TNR: variants seen among roughly 807,000 people sequenced by gnomAD.
The protein encoded by TNR is tenascin-R.
A neutral mutation model predicts 150.4 loss-of-function variants in TNR; 45 were observed. That is an observed-to-expected ratio of 0.30 (90% CI 0.24 to 0.38). The LOEUF is 0.38. Ranked by LOEUF, TNR falls within the 10% of genes least tolerant of loss-of-function variation. The pLI is 1.00. For synonymous variants in TNR, 687 were observed against 678.4 expected (o/e 1.01, Z -0.20); for missense variants, 1,544 against 1,759.1 (o/e 0.88, Z 2.19).
intron 14 of TNR, among the ~76,000 whole-genome samples, chr1:175,362,268 T>C (rs78782923): frequency 2.8e-4 from 43 of 152,342 alleles, no homozygotes; most frequent in African/African-American, 9.6e-4. Flanking sequence ...GATGATGAAT[T>C]TCATGACCCC....
Position 175,406,108 on chromosome 1 carries a change from G to A in TNR, c.499+108C>T, listed in dbSNP as rs118116012. On this transcript the variant is annotated intron_variant, in intron 3 of 22. Coordinates refer to ENST00000367674, the MANE Select transcript of TNR (RefSeq NM_003285.3). ...GTGAAGAGATGCCGGGGTTTTGCTGGGAGTGCGTTTTCGCTGGAAGTGCAT... is the reference window on the plus strand; with the variant it reads ...GTGAAGAGATGCCGGGGTTTTGCTGAGAGTGCGTTTTCGCTGGAAGTGCAT... 1,148 of 1,436,008 alleles carry A rather than the reference G, an allele frequency of 8.0e-4. 18 individuals are homozygous for A. In the East Asian group the frequency reaches 0.023, roughly 29 times the overall value. The allele number at this position is 1,436,008 out of a possible 1,614,324, so 89.0% of individuals were successfully genotyped here.
At chr1:175,636,178 T>C (rs1182323857) in intron 1 of TNR, among the ~76,000 whole-genome samples, 2 of 152,214 alleles carry the variant, frequency 1.3e-5, no homozygotes, top group Non-Finnish European at 2.9e-5. Context: ...AGATTAGCAT[T>C]GGTCACCTTA....
chr1:175,663,491 T>C (rs921862204), intron 1 of TNR, among the ~76,000 whole-genome samples: 1 of 152,174 alleles, frequency 6.6e-6, no homozygotes. Flanking sequence ...AAATGGCTTG[T>C]TAGCAGCACG....
intron 1 of TNR, among the ~76,000 whole-genome samples, chr1:175,558,247 A>G (rs1261560694): frequency 6.4e-5 from 9 of 140,664 alleles, no homozygotes; most frequent in Admixed American, 7.1e-5. Flanking sequence ...CAATATGCAC[A>G]TGTACCCTAA....
intron 1 of TNR, among the ~76,000 whole-genome samples, chr1:175,724,727 C>T (rs1667431534): frequency 6.6e-6 from 1 of 152,148 alleles, no homozygotes; most frequent in Non-Finnish European, 1.5e-5. Flanking sequence ...TAAAGAGAAA[C>T]TTAGAAGGTT....
chr1:175,337,621 A>C lies in TNR; in HGVS notation c.3441T>G (p.Thr1147=). The C allele has an allele frequency of 6.2e-7, 1 of 1,614,218 alleles. No homozygotes were observed. Among genetic ancestry groups the C allele is most frequent in the Non-Finnish European group, 8.5e-7 (1 of 1,180,028 alleles). Reference sequence around the variant, plus strand: ...GGAAGATGGGGTAAACCCCACTCAAAGTGTCTCCATTCATCAAATGCTGGG... The same window carrying C: ...GGAAGATGGGGTAAACCCCACTCAACGTGTCTCCATTCATCAAATGCTGGG... ...DCAQHLMNGD[T]LSGVYPIFLN... The change falls in exon 19 of 23, where the codon ACT becomes ACG. Residue 1147 remains threonine, a synonymous_variant. Transcript: ENST00000367674.
At chr1:175,361,370 C>T (rs1353314113) in intron 14 of TNR, among the ~76,000 whole-genome samples, 2 of 152,084 alleles carry the variant, frequency 1.3e-5, no homozygotes, top group African/African-American at 2.4e-5. Context: ...GGGATAGAGG[C>T]TTCTTTTGGT....
chr1:175,367,484 G>A (rs1247903947), intron 9 of TNR, among the ~76,000 whole-genome samples, 187 bp from the exon 10 acceptor site: 2 of 152,166 alleles, frequency 1.3e-5, no homozygotes, highest in Non-Finnish European at 2.9e-5. Flanking sequence ...TCAATAGGAT[G>A]AACCAGCCCA....
At chr1:175,719,323 C>T (rs188114223) in intron 1 of TNR, among the ~76,000 whole-genome samples, 12 of 152,268 alleles carry the variant, frequency 7.9e-5, no homozygotes, top group Admixed American at 7.2e-4. Flanking sequence ...GAGGTCCTCA[C>T]CCCTCCCCCA....
In TNR at chr1:175,323,112, G is replaced by T; in HGVS notation, c.*245C>A. ...AGAAAACTTCCTACTTCTCCTCCTTGGTGGGAAAGGAGGTGAAGGTTGAGG... is the reference window on the plus strand; with the variant it reads ...AGAAAACTTCCTACTTCTCCTCCTTTGTGGGAAAGGAGGTGAAGGTTGAGG... On this transcript the variant is annotated 3_prime_UTR_variant, in exon 23 of 23. Coordinates refer to ENST00000367674, the MANE Select transcript of TNR (RefSeq NM_003285.3). 2.5e-6 allele frequency: 1 copy of T among 397,130 alleles called. No individual in the cohort carries two copies. The highest frequency in any genetic ancestry group is 4.5e-6 in the Non-Finnish European group (1 of 223,922). 24.6% of individuals were successfully genotyped at this position (397,130 alleles called of 1,614,324 possible). A position where few individuals can be genotyped will look rare whatever the true frequency, so the allele number is the denominator to read the frequency against.
At chr1:175,368,368 C>T (rs1651933943) in intron 9 of TNR, among the ~76,000 whole-genome samples, 1 of 152,198 alleles carries the variant, frequency 6.6e-6, no homozygotes, top group Non-Finnish European at 1.5e-5. Context: ...AAGCTTGAAA[C>T]GATCAAATCT....
chr1:175,604,130 C>T (rs538641480), intron 1 of TNR, among the ~76,000 whole-genome samples: 8 of 152,094 alleles, frequency 5.3e-5, no homozygotes, highest in East Asian at 1.9e-4. Context: ...TCCCCTTCCC[C>T]GCTCCCCTCT....
intron 1 of TNR, among the ~76,000 whole-genome samples, chr1:175,663,916 G>C (rs1356261893): frequency 1.3e-5 from 2 of 152,224 alleles, no homozygotes; most frequent in Non-Finnish European, 2.9e-5. Flanking sequence ...TATTGACTGG[G>C]GAGAGGGGTA....
At chr1:175,526,397 A>T (rs565456827) in intron 2 of TNR, among the ~76,000 whole-genome samples, 3 of 152,188 alleles carry the variant, frequency 2.0e-5, no homozygotes, top group Admixed American at 1.3e-4. Context: ...CTTCCCCCAG[A>T]TTACCATTTT....
intron 2 of TNR, among the ~76,000 whole-genome samples, chr1:175,422,000 A>C (rs1232604254): frequency 6.6e-6 from 1 of 152,236 alleles, no homozygotes; most frequent in East Asian, 1.9e-4. Context: ...CAGTCATATC[A>C]CATCATTACT....
At chr1:175,538,547 G>A (rs1436042594) in intron 1 of TNR, among the ~76,000 whole-genome samples, 1 of 152,124 alleles carries the variant, frequency 6.6e-6, no homozygotes, top group African/African-American at 2.4e-5. Context: ...TTGGGGTCCT[G>A]GTATGATCCA....
At chr1:175,513,792 T>C (rs1659290073) in intron 2 of TNR, among the ~76,000 whole-genome samples, 1 of 152,212 alleles carries the variant, frequency 6.6e-6, no homozygotes, top group African/African-American at 2.4e-5. Flanking sequence ...CTAAGCTCTT[T>C]CCTCTGCCTG....
At chr1:175,372,136 T>C (rs1158035876) in intron 9 of TNR, among the ~76,000 whole-genome samples, 3 of 152,014 alleles carry the variant, frequency 2.0e-5, no homozygotes, top group Non-Finnish European at 2.9e-5. Flanking sequence ...ATGCGCGGGC[T>C]ACTCCTCCGG....
chr1:175,477,516 G>A (rs1383901043), intron 2 of TNR, among the ~76,000 whole-genome samples: 2 of 152,122 alleles, frequency 1.3e-5, no homozygotes, highest in African/African-American at 4.8e-5. Context: ...GTAAAGTGTT[G>A]GGCATACATA....
Sources: gnomAD v4.1 joint callset for allele counts (sites outside exome capture counted in the v4.1 genomes callset) on GRCh38, gnomAD v4.1.1 for gene constraint, MANE v1.5 for transcripts, NCBI Gene and HGNC (gene_info 2026-07-23, HGNC 2026-07-21) for gene names.